Variants in CTNNA3 observed in about 807,000 individuals in gnomAD.
CTNNA3 encodes the protein catenin alpha 3.
A neutral mutation model predicts 95.7 loss-of-function variants in CTNNA3; 76 were observed. The observed-to-expected ratio is 0.79, with a 90% CI of 0.66 to 0.96. The LOEUF is 0.96. CTNNA3 is among the 40% of genes least tolerant of loss of function. CTNNA3 has a pLI of 0.00. For synonymous variants in CTNNA3, 431 were observed against 374.4 expected (o/e 1.15, Z -1.74); for missense variants, 1,191 against 1,089.8 (o/e 1.09, Z -1.31).
intron 10 of CTNNA3, among the ~76,000 whole-genome samples, chr10:66,532,394 G>A (rs571586812): frequency 9.9e-5 from 15 of 151,976 alleles, no homozygotes; most frequent in African/African-American, 2.9e-4. Flanking sequence ...CCTGGGAGGC[G>A]GAGCTTGCAG....
At chr10:66,781,543 GAA>G (rs1840537693) in intron 7 of CTNNA3, among the ~76,000 whole-genome samples, 1 of 152,272 alleles carries the variant, frequency 6.6e-6, no homozygotes, top group East Asian at 1.9e-4. Context: ...TGATCTGTCA[GAA>G]ATAAGGTCTA....
chr10:66,989,816 T>C (rs1291745205), intron 7 of CTNNA3, among the ~76,000 whole-genome samples: 6 of 152,144 alleles, frequency 3.9e-5, no homozygotes, highest in African/African-American at 1.4e-4. Flanking sequence ...GGAAACAGAC[T>C]TGAGTGCTTT....
In CTNNA3 at chr10:66,280,480, A is replaced by G; in HGVS notation, c.1874T>C (p.Met625Thr). 5 of 1,604,610 alleles carry G rather than the reference A, an allele frequency of 3.1e-6. No individual in the cohort carries two copies. The highest frequency in any genetic ancestry group is 4.2e-6 in the Non-Finnish European group (5 of 1,176,494). ...DTIHDIRCSV[M>T]MIRTPEELED... ...GAAAAGCAAACTTACCCGAATCATC[A>G]TGACTGAACATCTGATATCATGAAT... is the stretch of plus-strand genomic sequence containing the variant. Residue 625 changes from methionine to threonine, a missense_variant, in exon 13 of 18, where the codon ATG (methionine) becomes ACG (threonine). By Grantham distance (81) the Met-to-Thr change is moderately conservative (BLOSUM62 -1). Coordinates refer to ENST00000433211, the MANE Select transcript of CTNNA3 (RefSeq NM_013266.4).
chr10:66,262,722 G>T (rs1184347270), intron 13 of CTNNA3, among the ~76,000 whole-genome samples: 1 of 151,926 alleles, frequency 6.6e-6, no homozygotes, highest in Non-Finnish European at 1.5e-5. Context: ...GGGTAGTGAG[G>T]CTAAAATTTG....
At chr10:66,657,626 T>G (rs1217288587) in intron 9 of CTNNA3, among the ~76,000 whole-genome samples, 4 of 152,196 alleles carry the variant, frequency 2.6e-5, no homozygotes, top group Non-Finnish European at 5.9e-5. Flanking sequence ...TACTGAGCAA[T>G]GTACTTGCAC....
At chr10:67,597,124 CT>C (rs1842955901) in intron 3 of CTNNA3, among the ~76,000 whole-genome samples, 1 of 152,096 alleles carries the variant, frequency 6.6e-6, no homozygotes. Context: ...CAGTTTGGTT[CT>C]TTCTTAAAAT....
intron 7 of CTNNA3, among the ~76,000 whole-genome samples, chr10:66,877,440 C>G (rs146359833): frequency 6.6e-6 from 1 of 152,272 alleles, no homozygotes; most frequent in Admixed American, 6.5e-5. Context: ...AACTCCAGCT[C>G]TGATGCTGGC....
intron 12 of CTNNA3, among the ~76,000 whole-genome samples, chr10:66,308,252 A>T (rs2091957981): frequency 6.6e-6 from 1 of 152,204 alleles, no homozygotes. Flanking sequence ...TTGTTCATAA[A>T]TTAATATACA....
intron 7 of CTNNA3, among the ~76,000 whole-genome samples, chr10:67,178,359 A>G (rs543630334): frequency 6.6e-6 from 1 of 151,976 alleles, no homozygotes; most frequent in East Asian, 1.9e-4. Flanking sequence ...TAGTCACTTT[A>G]TAAGTACCTC....
chr10:67,238,292 A>T (rs1352729752), intron 5 of CTNNA3, among the ~76,000 whole-genome samples: 2 of 152,162 alleles, frequency 1.3e-5, no homozygotes, highest in Non-Finnish European at 2.9e-5. Context: ...CAGGACCTGC[A>T]TCCAGGGTGA....
chr10:66,759,327 T>C (rs1839507375), intron 9 of CTNNA3, among the ~76,000 whole-genome samples: 1 of 152,194 alleles, frequency 6.6e-6, no homozygotes, highest in South Asian at 2.1e-4. Context: ...AACACTTCTT[T>C]TACAAGGCAG....
rs548607539 is a variant in CTNNA3 at position 66,823,346 on chromosome 10, TTTG to T, written c.1048-47825_1048-47823del. Among the ~76,000 whole-genome samples the T allele has an allele frequency of 2.4e-3, 363 of 152,352 alleles. 2 individuals are homozygous for T. The highest frequency in any genetic ancestry group is 8.2e-3 in the African/African-American group (343 of 41,578). On this transcript the variant is annotated intron_variant, in intron 7 of 17. Transcript: ENST00000433211. ...GACAAAATTCTGAATGCAAAATCCTTTTGTTATTAATTTCCTAACTCAAACAGA... is the reference window on the plus strand; with the variant it reads ...GACAAAATTCTGAATGCAAAATCCTTTTATTAATTTCCTAACTCAAACAGA...
chr10:66,790,890 G>A (rs6480212), intron 7 of CTNNA3, among the ~76,000 whole-genome samples: 129,732 of 152,060 alleles, frequency 0.85, 55,889 homozygotes, highest in East Asian at 1. Context: ...AAGTTGCCCA[G>A]ACTCCTGCTT....
chr10:67,075,889 G>A (rs535981615), intron 7 of CTNNA3, among the ~76,000 whole-genome samples: 1 of 152,308 alleles, frequency 6.6e-6, no homozygotes, highest in East Asian at 1.9e-4. Context: ...TTCTTTCAAC[G>A]AAGGTGTGGA....
At chr10:66,838,066 T>G (rs971216849) in intron 7 of CTNNA3, among the ~76,000 whole-genome samples, 5 of 152,116 alleles carry the variant, frequency 3.3e-5, no homozygotes, top group Non-Finnish European at 7.4e-5. Context: ...TAAGGCATTT[T>G]TCAAAAGAAA....
chr10:66,912,792 A>C (rs1211180815), intron 7 of CTNNA3, among the ~76,000 whole-genome samples: 1 of 152,210 alleles, frequency 6.6e-6, no homozygotes, highest in African/African-American at 2.4e-5. Context: ...TTCAAAATTC[A>C]TAAATAAATG....
chr10:66,926,028 A>T (rs1257712939), intron 7 of CTNNA3: 1 of 456,864 alleles, frequency 2.2e-6, no homozygotes, highest in Non-Finnish European at 4.4e-6. Flanking sequence ...ATTCACTGAA[A>T]CCAAAGCAAC....
At chr10:66,857,296 T>C (rs183513468) in intron 7 of CTNNA3, among the ~76,000 whole-genome samples, 1 of 152,226 alleles carries the variant, frequency 6.6e-6, no homozygotes, top group East Asian at 1.9e-4. Flanking sequence ...GCTGTTTAGG[T>C]TACTGCAGCC....
chr10:65,950,495 T>C (rs952014594), intron 17 of CTNNA3, among the ~76,000 whole-genome samples: 1 of 152,230 alleles, frequency 6.6e-6, no homozygotes, highest in Non-Finnish European at 1.5e-5. Context: ...GCTCTGTTTT[T>C]TTCCTTCAGC....
Sources: gnomAD v4.1 joint callset for allele counts (sites outside exome capture counted in the v4.1 genomes callset) on GRCh38, gnomAD v4.1.1 for gene constraint, MANE v1.5 for transcripts, NCBI Gene and HGNC (gene_info 2026-07-23, HGNC 2026-07-21) for gene names.